Variants in USP13 observed in about 807,000 individuals in gnomAD.
USP13 encodes the protein ubiquitin specific peptidase 13, also known as ubiquitin carboxyl-terminal hydrolase 13.
In USP13, 68 loss-of-function variants were observed where a neutral mutation model predicts 107.8. The observed-to-expected ratio is 0.63, with a 90% CI of 0.52 to 0.77. The LOEUF (loss-of-function observed/expected upper bound fraction) is 0.77. Ranked by LOEUF, USP13 falls within the 30% of genes least tolerant of loss-of-function variation. The pLI is 0.00. For missense variants in USP13, 945 were observed against 1,093.3 expected (o/e 0.86, Z 1.91); for synonymous variants, 377 against 389.5 (o/e 0.97, Z 0.38).
intron 13 of USP13, among the ~76,000 whole-genome samples, chr3:179,748,460 G>A (rs2108520631): frequency 6.6e-6 from 1 of 152,166 alleles, no homozygotes; most frequent in African/African-American, 2.4e-5. Context: ...TTTTTCTTTT[G>A]TTACACCCAG....
rs73174405 is a variant in USP13, at chr3:179,742,490, A to G, written c.1534+140A>G. ...ATGTCTGCTTTGCACATCTCTTTTC[A>G]TCTCTTTGTTAGTTCCCATGTGACT... On this transcript the variant is annotated intron_variant, in intron 12 of 20. Transcript: ENST00000263966. This position sits in a 1 kb window ranked among gnomAD's most constrained non-coding sequence, Gnocchi z 5.0. 5 of 1,067,478 alleles carry G rather than the reference A, an allele frequency of 4.7e-6. No homozygotes were observed. The highest frequency in any genetic ancestry group is 2.6e-5 in the East Asian group (1 of 38,010). The allele number at this position is 1,067,478 out of a possible 1,614,324, so 66.1% of individuals were successfully genotyped here. A position where few individuals can be genotyped will look rare whatever the true frequency, so the allele number is the denominator to read the frequency against.
intron 1 of USP13, among the ~76,000 whole-genome samples, chr3:179,680,468 C>G (rs1361382991): frequency 6.6e-6 from 1 of 152,154 alleles, no homozygotes; most frequent in East Asian, 1.9e-4. Context: ...ACTTTTTGAA[C>G]AGCAACATGA....
chr3:179,778,697 C>T (rs1409132486), intron 19 of USP13, among the ~76,000 whole-genome samples: 5 of 150,922 alleles, frequency 3.3e-5, no homozygotes, highest in Non-Finnish European at 5.9e-5. Context: ...ATCCCGGAGG[C>T]GGAGGTTGCA....
At chr3:179,690,150 T>A in intron 2 of USP13, 91 bp from the exon 3 acceptor site, 1 of 1,256,194 alleles carries the variant, frequency 8.0e-7, no homozygotes, top group Non-Finnish European at 1.1e-6. Flanking sequence ...TGGCCTTCTG[T>A]AAAAACTAGG....
chr3:179,726,832 T>C (rs1249879251), intron 8 of USP13, among the ~76,000 whole-genome samples: 4 of 152,102 alleles, frequency 2.6e-5, no homozygotes, highest in Non-Finnish European at 5.9e-5. Flanking sequence ...TATGTACCAC[T>C]GCACCCAGCT....
chr3:179,721,339 G>A lies in USP13; in HGVS notation c.901-63G>A, dbSNP rs763475091. 7.8e-5 allele frequency: 119 copies of A among 1,524,834 alleles called. No homozygotes were observed. The highest frequency in any genetic ancestry group is 1.8e-4 in the South Asian group (14 of 79,474). 94.5% of individuals were successfully genotyped at this position (1,524,834 alleles called of 1,614,324 possible). A position where few individuals can be genotyped will look rare whatever the true frequency, so the allele number is the denominator to read the frequency against. On this transcript the variant is annotated intron_variant, in intron 7 of 20. Transcript: ENST00000263966. The surrounding 1 kb of genome is among the most constrained non-coding windows in gnomAD (Gnocchi z 4.3). ...TCCTATGCTGTTAGAAATAATTAAC[G>A]GGACATGACCTTTGAATGGGAATCA...
chr3:179,765,141 C>T (rs1396102418), intron 18 of USP13, among the ~76,000 whole-genome samples: 1 of 152,196 alleles, frequency 6.6e-6, no homozygotes, highest in Non-Finnish European at 1.5e-5. Context: ...TCAGTTTAAA[C>T]AATTATACTT....
intron 8 of USP13, among the ~76,000 whole-genome samples, chr3:179,724,024 GTGGTGCACACC>G (rs1233290321): frequency 6.6e-6 from 1 of 151,986 alleles, no homozygotes; most frequent in African/African-American, 2.4e-5. Flanking sequence ...GCCGGGCGTG[GTGGTGCACACC>G]TGTAGTCCCA....
chr3:179,666,524 T>A (rs576388090), intron 1 of USP13, among the ~76,000 whole-genome samples: 2 of 152,268 alleles, frequency 1.3e-5, no homozygotes, highest in East Asian at 3.9e-4. Flanking sequence ...GCACTTTGGG[T>A]CTTGCCACTG....
At chr3:179,690,367 T>G in intron 3 of USP13, 66 bp downstream of exon 3, 1 of 1,382,202 alleles carries the variant, frequency 7.2e-7, no homozygotes, top group South Asian at 1.2e-5. Context: ...CATACTCATG[T>G]GCATCTTTGA....
At chr3:179,783,353 A>G (rs1265291096) in intron 20 of USP13, among the ~76,000 whole-genome samples, 2 of 151,340 alleles carry the variant, frequency 1.3e-5, no homozygotes, top group African/African-American at 2.4e-5. Context: ...ATATAAATAA[A>G]CACACGTATT....
Position 179,784,326 on chromosome 3 carries a change from A to G in USP13, c.*185A>G, listed in dbSNP as rs1715853842. 1.8e-6 allele frequency: 1 copy of G among 542,808 alleles called. No homozygotes were observed. Among genetic ancestry groups the G allele is most frequent in the South Asian group, 2.7e-5 (1 of 36,870 alleles). 33.6% of individuals were successfully genotyped at this position (542,808 alleles called of 1,614,324 possible). ...AACTGAGAAGAAATTTCTATTAGTG[A>G]TGATACACTATTATATTGTAGATAG... On this transcript the variant is annotated 3_prime_UTR_variant, in exon 21 of 21. Transcript: ENST00000263966.
At chr3:179,664,333 A>G (rs529772634) in intron 1 of USP13, among the ~76,000 whole-genome samples, 101 of 152,042 alleles carry the variant, frequency 6.6e-4, no homozygotes, top group Non-Finnish European at 7.4e-4. Context: ...ACCTCAAATG[A>G]TCCACCTGCC....
intron 1 of USP13, among the ~76,000 whole-genome samples, chr3:179,656,205 T>G (rs1424001501): frequency 6.6e-6 from 1 of 152,230 alleles, no homozygotes; most frequent in Non-Finnish European, 1.5e-5. Flanking sequence ...TGTAATGTAT[T>G]TGGAATAAAA....
At chr3:179,675,146 G>C (rs1720858385) in intron 1 of USP13, among the ~76,000 whole-genome samples, 1 of 151,454 alleles carries the variant, frequency 6.6e-6, no homozygotes, top group African/African-American at 2.4e-5. Flanking sequence ...CTGTACTCCA[G>C]CCTGGGCGAC....
intron 1 of USP13, among the ~76,000 whole-genome samples, chr3:179,659,699 A>G (rs1354822891): frequency 1.3e-5 from 2 of 152,178 alleles, no homozygotes; most frequent in African/African-American, 4.8e-5. Context: ...TAAGTAGGAG[A>G]GCTGGGATGT....
chr3:179,727,836 C>G (rs867737253), intron 8 of USP13, among the ~76,000 whole-genome samples: 1 of 85,676 alleles, frequency 1.2e-5, no homozygotes, highest in African/African-American at 4.9e-5. Context: ...GGCGGCTGGC[C>G]GGGCAGAGGG....
At chr3:179,730,074 A>T in intron 8 of USP13, 115 bp from the exon 9 acceptor site, 1 of 913,666 alleles carries the variant, frequency 1.1e-6, no homozygotes, top group Non-Finnish European at 1.7e-6. Context: ...TTCTTCAGGT[A>T]GATTGTTTAG....
Position 179,752,344 on chromosome 3 carries a change from T to C in USP13, c.1769T>C (p.Phe590Ser), listed in dbSNP as rs758662512. The C allele has an allele frequency of 4.6e-5, 74 of 1,614,032 alleles. No individual in the cohort carries two copies. The highest frequency in any genetic ancestry group is 6.1e-5 in the Non-Finnish European group (72 of 1,180,020). ...GTAGTGCAGATAAAGAAGTTCACTT[T>C]TGGTCTTGACTGGGTTCCCAAAAAA... ...YLVVQIKKFT[F>S]GLDWVPKKFD... The change falls in exon 14 of 21, where the codon TTT becomes TCT. Residue 590 changes from phenylalanine to serine, a missense_variant. Transcript: ENST00000263966.
Sources: gnomAD v4.1 joint callset for allele counts (sites outside exome capture counted in the v4.1 genomes callset) on GRCh38, gnomAD v4.1.1 for gene constraint, Gnocchi (gnomAD v3.1) non-coding constraint, MANE v1.5 for transcripts, NCBI Gene and HGNC (gene_info 2026-07-23, HGNC 2026-07-21) for gene names.